The following CDKL5 variants were observed in gnomAD, a reference collection of about 807,000 sequenced individuals.
The protein encoded by CDKL5 is cyclin-dependent kinase-like 5.
In CDKL5, 8 loss-of-function variants were observed where a neutral mutation model predicts 61.7. That is an observed-to-expected ratio of 0.13 (90% CI 0.08 to 0.23). CDKL5 has a LOEUF of 0.23. Ranked by LOEUF, CDKL5 falls within the 10% of genes least tolerant of loss-of-function variation. CDKL5 has a pLI of 1.00. For synonymous variants in CDKL5, 275 were observed against 272.3 expected, an observed-to-expected ratio of 1.01 and a Z score of -0.10; for missense variants, 440 against 734.5, an observed-to-expected ratio of 0.60 and a Z score of 4.63.
chrX:18,585,513 T>C (rs1483338526), intron 8 of CDKL5, among the ~76,000 whole-genome samples: 1 of 111,998 alleles, frequency 8.9e-6, no homozygotes, highest in Non-Finnish European at 1.9e-5. Flanking sequence ...ATTGATGATT[T>C]TCTCAGTAAC....
intron 1 of CDKL5, among the ~76,000 whole-genome samples, chrX:18,470,181 C>A (rs1299895861): frequency 1.8e-5 from 2 of 108,699 alleles, no homozygotes; most frequent in African/African-American, 6.7e-5. Flanking sequence ...TACTAAAATA[C>A]AAAAATTAGC....
At position 18,619,150 on chromosome X, in the gene CDKL5, G is replaced by A. The variant is rs188792576; in HGVS notation, c.2277-717G>A. ...AGTTAGAAGCTTTTCCCCCCGCCCCGTGAAAGCTTTTTTTTTTTTTTTTTT... is the reference window on the plus strand; with the variant it reads ...AGTTAGAAGCTTTTCCCCCCGCCCCATGAAAGCTTTTTTTTTTTTTTTTTT... On this transcript the variant is annotated intron_variant, in intron 15 of 17. Coordinates refer to ENST00000623535, the MANE Select transcript of CDKL5 (RefSeq NM_001323289.2). Among the ~76,000 whole-genome samples, 432 of 101,033 alleles carry A rather than the reference G, an allele frequency of 4.3e-3. 4 individuals carry two copies. Among genetic ancestry groups the A allele is most frequent in the African/African-American group, 0.014 (388 of 27,463 alleles). 87.7% of individuals were successfully genotyped at this position (101,033 alleles called of 115,157 possible). A position where few individuals can be genotyped will look rare whatever the true frequency, so the allele number is the denominator to read the frequency against.
rs535962809 is a variant in CDKL5 at position 18,506,497 on chromosome X, A to C, written c.-162-438A>C. ...ATATTTGTTACTCCCTTTTATGAGA[A>C]TAAGAAACCAAGGTCAGTATATTCA... On this transcript the variant is annotated intron_variant, in intron 1 of 17. Coordinates refer to ENST00000623535, the MANE Select transcript of CDKL5 (RefSeq NM_001323289.2). Among the ~76,000 whole-genome samples, 38 of 112,657 alleles carry C rather than the reference A, an allele frequency of 3.4e-4. No individual in the cohort carries two copies. In the South Asian group the frequency reaches 0.014, roughly 40 times the overall value.
chrX:18,588,355 CTAATTTT>C, intron 9 of CDKL5: 1 of 345,252 alleles, frequency 2.9e-6, no homozygotes, highest in Admixed American at 5.4e-5. Context: ...AATCTTTTTT[CTAATTTT>C]TAAGTTCCAG....
At chrX:18,490,672 T>C (rs781348247) in intron 1 of CDKL5, among the ~76,000 whole-genome samples, 90 of 111,638 alleles carry the variant, frequency 8.1e-4, no homozygotes, top group Non-Finnish European at 3.4e-4. Context: ...TTGTTATTAT[T>C]TATTAGTCAG....
At chrX:18,489,832 C>G (rs1374052019) in intron 1 of CDKL5, among the ~76,000 whole-genome samples, 1 of 110,192 alleles carries the variant, frequency 9.1e-6, no homozygotes, top group African/African-American at 3.3e-5. Flanking sequence ...GGGAGGATCA[C>G]TGGAGTCCAG....
intron 21 of CDKL5, among the ~76,000 whole-genome samples, chrX:18,650,952 A>T (rs753827624): frequency 8.9e-6 from 1 of 112,368 alleles, no homozygotes; most frequent in Admixed American, 9.4e-5. Context: ...TTCGTAGAGC[A>T]CAGCGTCTTG....
In CDKL5 at chrX:18,471,381, A is replaced by T. The variant is rs543328441; in HGVS notation, c.-162-35554A>T. ...TTTTTAATTTTAATTTAGTTTTATT[A>T]ATTTTTTTTGAGACAGGGTCTTGTT... On this transcript the variant is annotated intron_variant, in intron 1 of 17. Coordinates refer to ENST00000623535, the MANE Select transcript of CDKL5 (RefSeq NM_001323289.2). Among the ~76,000 whole-genome samples, 3 of 111,078 alleles carry T rather than the reference A, an allele frequency of 2.7e-5. No homozygotes were observed. In the South Asian group the frequency reaches 1.1e-3, roughly 42 times the overall value.
chrX:18,478,276 C>G (rs1039158968), intron 1 of CDKL5, among the ~76,000 whole-genome samples: 1 of 83,560 alleles, frequency 1.2e-5, no homozygotes, highest in Admixed American at 1.5e-4. Flanking sequence ...TCGTTTGTTT[C>G]TTTTCTTTCC....
At chrX:18,573,449 T>C (rs1197737581) in intron 4 of CDKL5, among the ~76,000 whole-genome samples, 1 of 111,979 alleles carries the variant, frequency 8.9e-6, no homozygotes, top group African/African-American at 3.2e-5. Context: ...ATTCTAACAG[T>C]CACAGAACAC....
intron 5 of CDKL5, among the ~76,000 whole-genome samples, chrX:18,578,295 CATT>C (rs1324481288): frequency 1.8e-5 from 2 of 111,973 alleles, no homozygotes; most frequent in African/African-American, 6.5e-5. Flanking sequence ...TTTAAAAAAA[CATT>C]ATTTCATTTG....
chrX:18,509,197 G>GCACGCGCGCACACA lies in CDKL5; in HGVS notation c.65-1620_65-1619insGCGCGCACACACAC, dbSNP rs1204561636. Reference sequence around the variant, plus strand: ...AGAGAGCGAGACTGTCTCAAAACACGCACACACACACACACACACACACAC... The same window carrying GCACGCGCGCACACA: ...AGAGAGCGAGACTGTCTCAAAACACGCACGCGCGCACACACACACACACACACACACACACACAC... On this transcript the variant is annotated intron_variant, in intron 2 of 17. Transcript: ENST00000623535. Among the ~76,000 whole-genome samples the GCACGCGCGCACACA allele has an allele frequency of 6.2e-5, 4 of 64,308 alleles. No homozygotes were observed. In the South Asian group the frequency reaches 3.3e-3, roughly 53 times the overall value. 55.8% of individuals were successfully genotyped at this position (64,308 alleles called of 115,157 possible).
chrX:18,582,951 G>A (rs1479327188), intron 7 of CDKL5, among the ~76,000 whole-genome samples: 1 of 111,828 alleles, frequency 8.9e-6, no homozygotes, highest in African/African-American at 3.2e-5. Context: ...GATAAGGAAT[G>A]ATATGTAAAA....
At chrX:18,599,246 C>CA (rs1391125866) in intron 11 of CDKL5, among the ~76,000 whole-genome samples, 3 of 112,018 alleles carry the variant, frequency 2.7e-5, no homozygotes, top group African/African-American at 9.7e-5. Context: ...TTGGGCCATA[C>CA]AATCAGGTTG....
At position 18,604,833 on chromosome X, in the gene CDKL5, G is replaced by C. The variant is rs1330464637; in HGVS notation, c.1909G>C (p.Ala637Pro). The stretch of plus-strand genomic sequence containing the variant: ...CTTGAGCATAGGGCAAGGGATGGCA[G>C]CTAGAGCCAACAGCCTGCAACTCTT... Reference protein sequence around the residue: ...GSLSIGQGMAARANSLQLLSP... With the variant: ...GSLSIGQGMAPRANSLQLLSP... Residue 637 changes from alanine to proline, a missense_variant, in exon 12 of 18, where the codon GCT (alanine) becomes CCT (proline). By Grantham distance (27) the Ala-to-Pro change is conservative (BLOSUM62 -1). Coordinates refer to ENST00000623535, the MANE Select transcript of CDKL5 (RefSeq NM_001323289.2). 1 of 1,209,776 alleles carries C rather than the reference G, an allele frequency of 8.3e-7. No individual in the cohort carries two copies. The highest frequency in any genetic ancestry group is 1.1e-6 in the Non-Finnish European group (1 of 895,107).
Position 18,629,828 on chromosome X carries a change from G to A in CDKL5, c.*1071G>A, listed in dbSNP as rs1053197897. 5.3e-6 allele frequency: 4 copies of A among 752,487 alleles called. No homozygotes were observed. Among genetic ancestry groups the A allele is most frequent in the Admixed American group, 1.8e-4 (2 of 11,403 alleles). 62.0% of individuals were successfully genotyped at this position (752,487 alleles called of 1,213,427 possible). On this transcript the variant is annotated 3_prime_UTR_variant, in exon 18 of 18. Transcript: ENST00000623535. Reference sequence around the variant, plus strand: ...CACACAGGGGAGAATAGATTGAGGCGTTACTCGTGGGTCTTTGTAGAGAGA... The same window carrying A: ...CACACAGGGGAGAATAGATTGAGGCATTACTCGTGGGTCTTTGTAGAGAGA...
intron 1 of CDKL5, among the ~76,000 whole-genome samples, chrX:18,476,704 A>G (rs1260763451): frequency 1.8e-5 from 2 of 112,213 alleles, no homozygotes; most frequent in Non-Finnish European, 3.8e-5. Context: ...TTATATCTTT[A>G]TCCTTTCAAT....
chrX:18,458,540 TC>T (rs1331157403), intron 1 of CDKL5, among the ~76,000 whole-genome samples: 2 of 109,263 alleles, frequency 1.8e-5, no homozygotes, highest in South Asian at 3.9e-4. Flanking sequence ...CTACAAAAAA[TC>T]CCCCCCCACC....
intron 4 of CDKL5, among the ~76,000 whole-genome samples, chrX:18,567,308 G>A (rs1296125785): frequency 8.9e-6 from 1 of 111,998 alleles, no homozygotes; most frequent in Non-Finnish European, 1.9e-5. Context: ...ATAAAAAACA[G>A]TGTCGTGATA....
Sources: allele counts gnomAD v4.1 joint callset (sites outside exome capture counted in the v4.1 genomes callset), GRCh38; gene constraint gnomAD v4.1.1; transcripts MANE v1.5; gene names NCBI Gene and HGNC (gene_info 2026-07-23, HGNC 2026-07-21).